Variants in PDGFRL observed in about 807,000 individuals in gnomAD.
PDGFRL encodes the protein platelet-derived growth factor receptor-like protein.
A neutral mutation model predicts 37.2 loss-of-function variants in PDGFRL; 46 were observed. The ratio of observed to expected loss-of-function variants is 1.24; its 90% confidence interval spans 0.98 to 1.58. PDGFRL has a LOEUF of 1.58. Ranked by LOEUF, PDGFRL falls within the 40% of genes most tolerant of loss-of-function variation. The probability of loss-of-function intolerance (pLI) is 0.00; values close to 1 mark genes in which losing one functional copy is unlikely to be tolerated. For synonymous variants in PDGFRL, 251 were observed against 184.3 expected, an observed-to-expected ratio of 1.36 and a Z score of -2.93; for missense variants, 692 against 467.6, an observed-to-expected ratio of 1.48 and a Z score of -4.43.
intron 4 of PDGFRL, among the ~76,000 whole-genome samples, chr8:17,633,692 C>G (rs939271956): frequency 6.6e-6 from 1 of 152,178 alleles, no homozygotes. Context: ...CAGCCACACA[C>G]CTATCTGCTC....
intron 1 of PDGFRL, among the ~76,000 whole-genome samples, chr8:17,588,772 A>G (rs964151831): frequency 6.6e-6 from 1 of 152,216 alleles, no homozygotes; most frequent in Non-Finnish European, 1.5e-5. Flanking sequence ...GTAGAATCAA[A>G]ATGAATGGTG....
At chr8:17,597,286 C>T (rs1024693743) in intron 2 of PDGFRL, among the ~76,000 whole-genome samples, 4 of 152,204 alleles carry the variant, frequency 2.6e-5, no homozygotes, top group Admixed American at 2.0e-4. Context: ...CTCTCAAAGT[C>T]CTGAGATTTC....
intron 3 of PDGFRL, among the ~76,000 whole-genome samples, chr8:17,625,452 G>T (rs1273944152): frequency 5.4e-5 from 8 of 148,304 alleles, no homozygotes; most frequent in Middle Eastern, 3.6e-3. Flanking sequence ...ACCTGGTCGA[G>T]TTTTTTTTTT....
At chr8:17,633,076 C>T (rs1418534004) in intron 4 of PDGFRL, among the ~76,000 whole-genome samples, 1 of 152,114 alleles carries the variant, frequency 6.6e-6, no homozygotes. Context: ...TCCAAGGGCT[C>T]AGAGATCAGG....
chr8:17,606,879 GTTTT>G lies in PDGFRL; in HGVS notation c.354-14169_354-14166del, dbSNP rs1361616983. On this transcript the variant is annotated intron_variant, in intron 2 of 5. Transcript: ENST00000251630. ...AATCATAAGAAACAGCCAGTTTTTC[GTTTT>G]TTGTTTTTTTGTTTTTTTTTTTTTT... Among the ~76,000 whole-genome samples, 42 of 59,052 alleles carry G rather than the reference GTTTT, an allele frequency of 7.1e-4. 1 individual carries two copies. The South Asian group carries it at 0.026, about 36-fold the overall frequency. 38.7% of individuals were successfully genotyped at this position (59,052 alleles called of 152,430 possible). A position where few individuals can be genotyped will look rare whatever the true frequency, so the allele number is the denominator to read the frequency against.
intron 2 of PDGFRL, among the ~76,000 whole-genome samples, chr8:17,617,991 T>C (rs375695979): frequency 9.5e-6 from 1 of 104,748 alleles, no homozygotes; most frequent in African/African-American, 2.9e-5. Context: ...CCTTCCCTTT[T>C]CTTTTCTTTT....
rs759635526 is a variant in PDGFRL at position 17,642,701 on chromosome 8, C to CTCTGGGA, written c.1028_1029insTCTGGGA (p.Val344LeufsTer7). ...ACGAGAATCTCCCAGAGTGTCATTA[C>CTCTGGGA]AGTGGAAGACTTTGAGACGATTGAT... is the stretch of plus-strand genomic sequence containing the variant. On this transcript the variant is annotated frameshift_variant, in exon 6 of 6. Transcript: ENST00000251630. LOFTEE classifies it high-confidence loss of function. 1 of 1,602,054 alleles carries CTCTGGGA rather than the reference C, an allele frequency of 6.2e-7. No individual in the cohort carries two copies. Among genetic ancestry groups the CTCTGGGA allele is most frequent in the Non-Finnish European group, 8.6e-7 (1 of 1,169,018 alleles).
At chr8:17,603,390 G>A (rs1804206866) in intron 2 of PDGFRL, among the ~76,000 whole-genome samples, 1 of 152,184 alleles carries the variant, frequency 6.6e-6, no homozygotes, top group Non-Finnish European at 1.5e-5. Flanking sequence ...TCTTTCAGGA[G>A]CAGTGGCCCC....
chr8:17,595,375 G>A lies in PDGFRL; in HGVS notation c.353+5610G>A, dbSNP rs565298714. 4.0e-4 allele frequency among the ~76,000 whole-genome samples: 61 copies of A among 152,262 alleles called. 1 individual carries two copies. Among genetic ancestry groups the A allele is most frequent in the Admixed American group, 1.6e-3 (24 of 15,312 alleles). ...GGCAGGCCCAGCTCATATCCCTGAT[G>A]GTGGCACATTCTCTGGAGGACCCTC... On this transcript the variant is annotated intron_variant, in intron 2 of 5. Transcript: ENST00000251630.
intron 4 of PDGFRL, among the ~76,000 whole-genome samples, chr8:17,629,716 C>T (rs780195144): frequency 7.2e-5 from 11 of 152,136 alleles, no homozygotes; most frequent in Non-Finnish European, 1.3e-4. Flanking sequence ...ACCCCTCATC[C>T]GTTCCACCTC....
At chr8:17,586,969 C>T (rs1803832186) in intron 1 of PDGFRL, among the ~76,000 whole-genome samples, 1 of 152,158 alleles carries the variant, frequency 6.6e-6, no homozygotes, top group Non-Finnish European at 1.5e-5. Flanking sequence ...TGGACGTTCA[C>T]TTATAGTATG....
Position 17,621,139 on chromosome 8 carries a change from T to G in PDGFRL, c.442T>G (p.Cys148Gly). ...TGAATTCAGCTGCTGGGTGCAGCTC[T>G]GCAGCGGCTACATCTGCAGGAAGGA... Reference protein sequence around the residue: ...TGEFSCWVQLCSGYICRKDEA... With the variant: ...TGEFSCWVQLGSGYICRKDEA... The change falls in exon 3 of 6, where the codon TGC (cysteine) becomes GGC (glycine). Residue 148 changes from cysteine to glycine, a missense_variant. Coordinates refer to ENST00000251630, the MANE Select transcript of PDGFRL (RefSeq NM_001372073.1). The G allele has an allele frequency of 6.2e-7, 1 of 1,611,520 alleles. No individual in the cohort carries two copies. The highest frequency in any genetic ancestry group is 8.5e-7 in the Non-Finnish European group (1 of 1,177,894).
At chr8:17,586,824 G>C (rs1340608756) in intron 1 of PDGFRL, among the ~76,000 whole-genome samples, 2 of 152,174 alleles carry the variant, frequency 1.3e-5, no homozygotes, top group African/African-American at 4.8e-5. Context: ...AGGGCAAGTA[G>C]CTTCCCAAGG....
intron 3 of PDGFRL, among the ~76,000 whole-genome samples, chr8:17,622,976 A>G (rs1374219862): frequency 2.0e-5 from 3 of 152,132 alleles, no homozygotes; most frequent in Non-Finnish European, 4.4e-5. Context: ...CCTGTGCACA[A>G]TGACCTTGGT....
At chr8:17,630,525 C>A (rs1363788975) in intron 4 of PDGFRL, among the ~76,000 whole-genome samples, 4 of 152,164 alleles carry the variant, frequency 2.6e-5, no homozygotes, top group African/African-American at 9.7e-5. Flanking sequence ...TGTTTAAAAT[C>A]TTCAGTCCCA....
chr8:17,626,199 C>G (rs942015299), intron 3 of PDGFRL, among the ~76,000 whole-genome samples: 4 of 152,330 alleles, frequency 2.6e-5, no homozygotes, highest in African/African-American at 9.6e-5. Flanking sequence ...CTTCTCTTGA[C>G]AAATGTGGAC....
intron 3 of PDGFRL, among the ~76,000 whole-genome samples, chr8:17,627,768 G>C (rs1050742990): frequency 6.6e-6 from 1 of 151,640 alleles, no homozygotes; most frequent in Admixed American, 6.6e-5. Flanking sequence ...GAGCCACCAC[G>C]CCTGGCCAGA....
intron 5 of PDGFRL, among the ~76,000 whole-genome samples, chr8:17,635,223 G>A (rs953559434): frequency 2.6e-5 from 4 of 152,042 alleles, no homozygotes; most frequent in African/African-American, 7.2e-5. Context: ...CTGAGATTTC[G>A]GTGTATCCAT....
At chr8:17,586,127 A>AT (rs891604612) in intron 1 of PDGFRL, among the ~76,000 whole-genome samples, 6 of 147,786 alleles carry the variant, frequency 4.1e-5, no homozygotes, top group African/African-American at 1.2e-4. Context: ...ACTTTTTTGT[A>AT]TTTTTTGGAA....
Sources: allele counts gnomAD v4.1 joint callset (sites outside exome capture counted in the v4.1 genomes callset), GRCh38; gene constraint gnomAD v4.1.1; transcripts MANE v1.5; gene names NCBI Gene and HGNC (gene_info 2026-07-23, HGNC 2026-07-21).